Variants in KCNH8 observed in about 807,000 individuals in gnomAD.
KCNH8 encodes the protein voltage-gated delayed rectifier potassium channel KCNH8.
KCNH8 carries 70 observed loss-of-function variants against 103.6 expected under a neutral mutation model. The ratio of observed to expected loss-of-function variants is 0.68; its 90% confidence interval spans 0.56 to 0.82. The LOEUF is 0.82. KCNH8 is among the 40% of genes least tolerant of loss of function. The pLI is 0.00. For missense variants in KCNH8, 1,217 were observed against 1,329.9 expected (o/e 0.92, Z 1.32); for synonymous variants, 498 against 489.4 (o/e 1.02, Z -0.23).
chr3:19,510,267 CTG>C (rs1197132689), intron 11 of KCNH8, 94 bp from the exon 12 acceptor site: 2 of 776,770 alleles, frequency 2.6e-6, no homozygotes, highest in African/African-American at 1.7e-5. Context: ...CCCACAAACT[CTG>C]TACATACTTC....
At chr3:19,168,103 T>G (rs1222407886) in intron 1 of KCNH8, among the ~76,000 whole-genome samples, 8 of 151,842 alleles carry the variant, frequency 5.3e-5, no homozygotes, top group Admixed American at 5.3e-4. Flanking sequence ...CTCTGTCTCC[T>G]TGGTTCAAGC....
In KCNH8 at chr3:19,305,436, A is replaced by G. The variant is rs184467593; in HGVS notation, c.442+24107A>G. On this transcript the variant is annotated intron_variant, in intron 3 of 15. Coordinates refer to ENST00000328405, the MANE Select transcript of KCNH8 (RefSeq NM_144633.3). ...AAGTGAAGACAGAATTCAAGACAGT[A>G]CTATATGGTACTGCTGGAATGATGA... Among the ~76,000 whole-genome samples, 222 of 152,252 alleles carry G rather than the reference A, an allele frequency of 1.5e-3. 1 individual carries two copies. Among genetic ancestry groups the G allele is most frequent in the African/African-American group, 5.0e-3 (209 of 41,562 alleles).
chr3:19,449,276 T>C (rs567381124), intron 8 of KCNH8, among the ~76,000 whole-genome samples: 1 of 137,748 alleles, frequency 7.3e-6, no homozygotes, highest in East Asian at 2.1e-4. Flanking sequence ...ACAAACCTCA[T>C]TGAAACAAGA....
At position 19,195,425 on chromosome 3, in the gene KCNH8, T is replaced by A. The variant is rs866686460; in HGVS notation, c.76+46630T>A. On this transcript the variant is annotated intron_variant, in intron 1 of 15. Transcript: ENST00000328405. ...CCCATACCCCTTTTTTCCCTCACAG[T>A]ATATTCATGTTGACAGGGTAGATGA... Among the ~76,000 whole-genome samples the A allele has an allele frequency of 1.1e-3, 172 of 152,014 alleles. 4 individuals carry two copies. The highest frequency in any genetic ancestry group is 3.7e-3 in the African/African-American group (153 of 41,514).
intron 5 of KCNH8, among the ~76,000 whole-genome samples, chr3:19,372,873 G>T (rs1378398947): frequency 2.0e-5 from 3 of 152,012 alleles, no homozygotes; most frequent in Non-Finnish European, 4.4e-5. Flanking sequence ...AGAGAACCAT[G>T]TGGTTTTTGT....
chr3:19,365,443 CAT>C (rs1188003341), intron 5 of KCNH8, among the ~76,000 whole-genome samples: 1 of 151,704 alleles, frequency 6.6e-6, no homozygotes, highest in Non-Finnish European at 1.5e-5. Context: ...TATTTATAAA[CAT>C]ATTTAATATC....
chr3:19,263,190 GC>G (rs1295045776), intron 2 of KCNH8, among the ~76,000 whole-genome samples: 1 of 151,966 alleles, frequency 6.6e-6, no homozygotes, highest in Non-Finnish European at 1.5e-5. Context: ...CTTGTGAAGA[GC>G]CCCAGGGAGA....
intron 2 of KCNH8, among the ~76,000 whole-genome samples, chr3:19,271,832 A>G (rs910662535): frequency 1.3e-5 from 2 of 152,156 alleles, no homozygotes; most frequent in African/African-American, 4.8e-5. Context: ...AACGCCATCT[A>G]AATCCTGCAT....
intron 1 of KCNH8, among the ~76,000 whole-genome samples, chr3:19,219,588 A>G (rs1032835954): frequency 1.3e-5 from 2 of 152,228 alleles, no homozygotes; most frequent in Admixed American, 1.3e-4. Context: ...GGCAAAACAT[A>G]TCTGAAACAA....
At chr3:19,312,274 A>G (rs1413150656) in intron 3 of KCNH8, among the ~76,000 whole-genome samples, 1 of 151,838 alleles carries the variant, frequency 6.6e-6, no homozygotes, top group Non-Finnish European at 1.5e-5. Context: ...TACCCCTTCT[A>G]TTTTTCCTTA....
chr3:19,476,514 G>A (rs1385003802), intron 11 of KCNH8, among the ~76,000 whole-genome samples: 2 of 152,120 alleles, frequency 1.3e-5, no homozygotes, highest in African/African-American at 4.8e-5. Context: ...GACTTTACAA[G>A]CTAAGTAGGA....
chr3:19,413,228 G>A (rs915212911), intron 7 of KCNH8, among the ~76,000 whole-genome samples: 4 of 150,726 alleles, frequency 2.7e-5, no homozygotes, highest in Non-Finnish European at 5.9e-5. Flanking sequence ...CATGCCCCTT[G>A]TAGCAACATG....
chr3:19,343,822 C>T (rs2065693475), intron 4 of KCNH8, among the ~76,000 whole-genome samples: 1 of 151,912 alleles, frequency 6.6e-6, no homozygotes, highest in South Asian at 2.1e-4. Context: ...GATGTATGAG[C>T]CCAGGGTGAG....
intron 11 of KCNH8, among the ~76,000 whole-genome samples, chr3:19,499,001 G>A (rs1011798196): frequency 2.0e-5 from 3 of 152,106 alleles, no homozygotes; most frequent in South Asian, 4.1e-4. Context: ...ATGGCTATGG[G>A]AGGACATTCA....
intron 11 of KCNH8, among the ~76,000 whole-genome samples, chr3:19,505,333 T>A (rs4857994): frequency 0.061 from 9,246 of 151,914 alleles, 318 homozygotes; most frequent in African/African-American, 0.086. Context: ...AGGGAGAGGA[T>A]CAGAAAATAT....
Position 19,450,451 on chromosome 3 carries a change from ATCT to A in KCNH8, c.1575+151_1575+153del, listed in dbSNP as rs1285364644. 4.4e-6 allele frequency: 3 copies of A among 682,190 alleles called. No homozygotes were observed. The African/African-American group carries it at 5.4e-5, about 12-fold the overall frequency. 42.3% of individuals were successfully genotyped at this position (682,190 alleles called of 1,614,324 possible). On this transcript the variant is annotated intron_variant, in intron 9 of 15. Transcript: ENST00000328405. ...TTTAATTATTCATGAATCCCAATCC[ATCT>A]TCTTTCACTTGCTTTGGCTTGTGTT...
At chr3:19,198,878 C>A (rs2063628810) in intron 1 of KCNH8, among the ~76,000 whole-genome samples, 1 of 151,842 alleles carries the variant, frequency 6.6e-6, no homozygotes, top group Admixed American at 6.6e-5. Context: ...AAACGAGGTA[C>A]ATGTTAGTAA....
At chr3:19,426,502 T>C (rs1159834135) in intron 7 of KCNH8, among the ~76,000 whole-genome samples, 2 of 151,216 alleles carry the variant, frequency 1.3e-5, no homozygotes, top group Non-Finnish European at 2.9e-5. Flanking sequence ...TGATGTGCTC[T>C]GCACTAGAAA....
intron 5 of KCNH8, among the ~76,000 whole-genome samples, chr3:19,362,696 C>G (rs965849812): frequency 2.3e-4 from 35 of 152,188 alleles, no homozygotes; most frequent in African/African-American, 8.2e-4. Context: ...CAAGGTCTCA[C>G]TCTGTCATGC....
Sources: allele counts gnomAD v4.1 joint callset (sites outside exome capture counted in the v4.1 genomes callset), GRCh38; gene constraint gnomAD v4.1.1; transcripts MANE v1.5; gene names NCBI Gene and HGNC (gene_info 2026-07-23, HGNC 2026-07-21).